The following FAM120B variants were observed in gnomAD, a reference collection of about 807,000 sequenced individuals.
The protein encoded by FAM120B is family with sequence similarity 120 member B.
FAM120B carries 83 observed loss-of-function variants against 96.3 expected under a neutral mutation model. The observed-to-expected ratio is 0.86, with a 90% CI of 0.72 to 1.03. The LOEUF is 1.03. Ranked by LOEUF, FAM120B falls within the 50% of genes least tolerant of loss-of-function variation. FAM120B has a pLI of 0.00. For synonymous variants in FAM120B, 407 were observed against 402.7 expected, an observed-to-expected ratio of 1.01 and a Z score of -0.13; for missense variants, 1,027 against 1,121.2, an observed-to-expected ratio of 0.92 and a Z score of 1.20.
chr6:170,308,680 A>G (rs767068180), intron 1 of FAM120B, among the ~76,000 whole-genome samples: 15 of 152,158 alleles, frequency 9.9e-5, no homozygotes, highest in Non-Finnish European at 2.2e-4. Flanking sequence ...TCCAAATGGT[A>G]TGTTTCAAGT....
chr6:170,392,920 G>T (rs1790548247), intron 8 of FAM120B, among the ~76,000 whole-genome samples: 1 of 152,118 alleles, frequency 6.6e-6, no homozygotes, highest in African/African-American at 2.4e-5. Context: ...ACTATAGATA[G>T]ACAGAGATTG....
At chr6:170,378,195 G>A in intron 6 of FAM120B, among the ~76,000 whole-genome samples, 1 of 152,162 alleles carries the variant, frequency 6.6e-6, no homozygotes, top group East Asian at 1.9e-4. Flanking sequence ...TTGAAAGAAC[G>A]CTCTTGCCAT....
chr6:170,379,546 G>A (rs888579981), intron 6 of FAM120B, among the ~76,000 whole-genome samples: 8 of 152,180 alleles, frequency 5.3e-5, no homozygotes, highest in Non-Finnish European at 1.2e-4. Flanking sequence ...TTGTTTCAGC[G>A]TCATGTCAGT....
At chr6:170,375,901 C>G (rs1451041809) in intron 6 of FAM120B, among the ~76,000 whole-genome samples, 1 of 152,088 alleles carries the variant, frequency 6.6e-6, no homozygotes, top group Non-Finnish European at 1.5e-5. Context: ...GAGGTAAGAA[C>G]AAGGGAAGGA....
rs752163725 is a variant in FAM120B, at chr6:170,323,162, C to T, written c.1818C>T (p.Thr606=). Residue 606 remains threonine (T), a synonymous_variant, in exon 3 of 11, where the codon ACC becomes ACT. Coordinates refer to ENST00000476287, the MANE Select transcript of FAM120B (RefSeq NM_032448.3). ...MSSGEIECSN[T]LEDELDQALP... ...GTGGAGAGATTGAATGCAGCAACAC[C>T]CTAGAAGATGAGCTTGACCAGGCCT... 1.5e-5 allele frequency: 24 copies of T among 1,614,046 alleles called. No homozygotes were observed. Among genetic ancestry groups the T allele is most frequent in the Middle Eastern group, 1.6e-4 (1 of 6,062 alleles).
intron 6 of FAM120B, among the ~76,000 whole-genome samples, chr6:170,361,921 G>A (rs189127176): frequency 3.3e-5 from 5 of 152,258 alleles, no homozygotes; most frequent in Admixed American, 3.3e-4. Context: ...AGCCTTCTGA[G>A]TAGTTGGGAT....
intron 5 of FAM120B, among the ~76,000 whole-genome samples, chr6:170,349,679 A>G (rs1486114727): frequency 2.0e-5 from 3 of 152,208 alleles, no homozygotes; most frequent in Admixed American, 6.5e-5. Context: ...GGATGGCAGG[A>G]ACTATTTAAA....
chr6:170,292,838 C>T (rs1207988022), upstream of FAM120B, among the ~76,000 whole-genome samples: 1 of 152,200 alleles, frequency 6.6e-6, no homozygotes, highest in Non-Finnish European at 1.5e-5. The surrounding 1 kb of genome is among the most constrained non-coding windows in gnomAD (Gnocchi z 6.6). Context: ...TTTAGGTTTT[C>T]CACTGTTGCC....
intron 4 of FAM120B, among the ~76,000 whole-genome samples, chr6:170,335,020 G>T (rs79489289): frequency 1.3e-5 from 2 of 150,362 alleles, no homozygotes; most frequent in Non-Finnish European, 3.0e-5. Flanking sequence ...CATGTGCGTA[G>T]TCAGGGTTTT....
chr6:170,333,517 CTT>C (rs568919700), intron 4 of FAM120B, among the ~76,000 whole-genome samples: 21 of 138,166 alleles, frequency 1.5e-4, no homozygotes, highest in Admixed American at 3.7e-4. Context: ...TGAGCCTCAT[CTT>C]TTTTTTTTTT....
intron 1 of FAM120B, among the ~76,000 whole-genome samples, chr6:170,317,064 C>T (rs1306278856): frequency 6.6e-6 from 1 of 152,202 alleles, no homozygotes; most frequent in African/African-American, 2.4e-5. Context: ...ACTTTGAAAA[C>T]TTAACCTCTT....
chr6:170,353,486 A>T (rs1192414869), intron 5 of FAM120B, among the ~76,000 whole-genome samples: 3 of 152,232 alleles, frequency 2.0e-5, no homozygotes, highest in Non-Finnish European at 4.4e-5. Context: ...ATGAACATTG[A>T]TGCAAAAATC....
chr6:170,315,653 T>C (rs1225590532), intron 1 of FAM120B, among the ~76,000 whole-genome samples: 1 of 152,234 alleles, frequency 6.6e-6, no homozygotes, highest in Non-Finnish European at 1.5e-5. Context: ...TCTCTAAATG[T>C]CATCATAAAA....
upstream of FAM120B, among the ~76,000 whole-genome samples, chr6:170,294,973 G>C (rs760800471): frequency 6.6e-6 from 1 of 152,180 alleles, no homozygotes; most frequent in Non-Finnish European, 1.5e-5. The surrounding 1 kb of genome is among the most constrained non-coding windows in gnomAD (Gnocchi z 7.9). Context: ...CAGCTTACTT[G>C]AAATAAAGAA....
upstream of FAM120B, among the ~76,000 whole-genome samples, chr6:170,303,266 G>A (rs1015919567): frequency 7.2e-5 from 11 of 152,132 alleles, no homozygotes; most frequent in South Asian, 2.1e-4. Flanking sequence ...GTGAGACAGC[G>A]TCCTACTCTG....
intron 5 of FAM120B, among the ~76,000 whole-genome samples, chr6:170,352,542 A>G (rs893773258): frequency 6.6e-6 from 1 of 152,238 alleles, no homozygotes; most frequent in Non-Finnish European, 1.5e-5. Context: ...AACACATCTC[A>G]GCAAATGCAG....
At chr6:170,337,897 G>T (rs1786546196) in intron 4 of FAM120B, among the ~76,000 whole-genome samples, 1 of 151,856 alleles carries the variant, frequency 6.6e-6, no homozygotes, top group Admixed American at 6.6e-5. Flanking sequence ...CATTTTTATT[G>T]TGTCTGTTTG....
chr6:170,290,859 C>T (rs560419524), upstream of FAM120B: 11 of 658,290 alleles, frequency 1.7e-5, no homozygotes, highest in African/African-American at 1.8e-4. This position sits in a 1 kb window ranked among gnomAD's most constrained non-coding sequence, Gnocchi z 4.7. Flanking sequence ...CTCTGCGCCG[C>T]GGCTGCCCGG....
rs1201236054 is a variant in FAM120B, at chr6:170,298,184, C to T, written c.48+2731C>T. ...TTCCATTGTAATATGAATGGGCCTT[C>T]TGCATTTGGCTGCTAGGAGACCGGC... On this transcript the variant is annotated intron_variant, in intron 1 of 10. Transcript: ENST00000537664. The T allele has an allele frequency of 2.0e-5, 3 of 152,154 alleles. No individual in the cohort carries two copies. In the East Asian group the frequency reaches 5.8e-4, roughly 29 times the overall value. 9.4% of individuals were successfully genotyped at this position (152,154 alleles called of 1,614,324 possible). A position where few individuals can be genotyped will look rare whatever the true frequency, so the allele number is the denominator to read the frequency against.
Sources: gnomAD v4.1 joint callset for allele counts (sites outside exome capture counted in the v4.1 genomes callset) on GRCh38, gnomAD v4.1.1 for gene constraint, Gnocchi (gnomAD v3.1) non-coding constraint, MANE v1.5 for transcripts, NCBI Gene and HGNC (gene_info 2026-07-23, HGNC 2026-07-21) for gene names.